PCDHA10: variants seen among roughly 807,000 people sequenced by gnomAD.
PCDHA10 encodes protocadherin alpha 10, also known as protocadherin alpha-10.
Under a neutral mutation model 61.2 loss-of-function variants are expected in PCDHA10, and 45 were observed. That is an observed-to-expected ratio of 0.74 (90% CI 0.58 to 0.94). The LOEUF (loss-of-function observed/expected upper bound fraction) is 0.94, where lower values mean the gene tolerates loss of function less well. Among genes scored for constraint, PCDHA10 ranks in the 40% least tolerant of loss-of-function variants. PCDHA10 has a pLI of 0.00. For missense variants in PCDHA10, 1,278 were observed against 1,236.2 expected (o/e 1.03, Z -0.51); for synonymous variants, 602 against 548.8 (o/e 1.10, Z -1.35).
At chr5:141,005,303 A>T (rs2098205194) in intron 3 of PCDHA10, among the ~76,000 whole-genome samples, 2 of 152,212 alleles carry the variant, frequency 1.3e-5, no homozygotes, top group Non-Finnish European at 2.9e-5. Context: ...TGCCTTTGTG[A>T]ATCTTACAGT....
intron 1 of PCDHA10, chr5:140,884,142 G>A (rs782033390): frequency 5.6e-6 from 9 of 1,613,298 alleles, no homozygotes; most frequent in African/African-American, 1.3e-5. Flanking sequence ...TTCCGCGTGG[G>A]GCTGTACACT....
intron 1 of PCDHA10, among the ~76,000 whole-genome samples, chr5:140,903,704 A>G (rs2070513598): frequency 6.6e-6 from 1 of 152,234 alleles, no homozygotes; most frequent in Admixed American, 6.5e-5. Context: ...AAATAGTAAT[A>G]AAATATACAA....
In PCDHA10 at chr5:140,968,153, A is replaced by G; in HGVS notation, c.2389-10796A>G. 2 of 1,614,142 alleles carry G rather than the reference A, an allele frequency of 1.2e-6. No individual in the cohort carries two copies. The highest frequency in any genetic ancestry group is 8.5e-7 in the Non-Finnish European group (1 of 1,180,046). On this transcript the variant is annotated intron_variant, in intron 1 of 3. Coordinates refer to ENST00000307360, the MANE Select transcript of PCDHA10 (RefSeq NM_018901.4). ...ACTGAAGGTTGAGATCTCTGACATC[A>G]ATGACAATCCACCAAGCTTCCTGGA...
chr5:140,923,219 CGTTTGAGCCCAGAA>C (rs6149268), intron 1 of PCDHA10, among the ~76,000 whole-genome samples: 47,935 of 151,966 alleles, frequency 0.32, 7,912 homozygotes, highest in East Asian at 0.52. Context: ...GTGAAAGGAT[CGTTTGAGCCCAGAA>C]GTTTGAGACC....
At position 140,858,811 on chromosome 5, in the gene PCDHA10, T is replaced by A. The variant is rs2045603382; in HGVS notation, c.2388+375T>A. The A allele has an allele frequency of 1.4e-5, 5 of 354,112 alleles. No homozygotes were observed. The South Asian group carries it at 1.7e-4, about 12-fold the overall frequency. The allele number at this position is 354,112 out of a possible 1,614,324, so 21.9% of individuals were successfully genotyped here. A position where few individuals can be genotyped will look rare whatever the true frequency, so the allele number is the denominator to read the frequency against. ...TTTCATTTCCAATCTAAATTTTGAT[T>A]TGATTGTATTTGCATTACCAAAAAA... On this transcript the variant is annotated intron_variant, in intron 1 of 3. Transcript: ENST00000307360.
intron 1 of PCDHA10, among the ~76,000 whole-genome samples, chr5:140,894,577 T>A (rs1409232453): frequency 4.6e-5 from 7 of 152,030 alleles, no homozygotes; most frequent in African/African-American, 9.6e-5. Flanking sequence ...TCCTTTTTTT[T>A]AATATTTTAC....
intron 1 of PCDHA10, chr5:140,862,713 C>CG (rs2153223672): frequency 1.8e-6 from 1 of 561,970 alleles, no homozygotes; most frequent in East Asian, 4.9e-5. Flanking sequence ...AGCGGGTGGG[C>CG]GAGTGCGCGC....
intron 1 of PCDHA10, among the ~76,000 whole-genome samples, chr5:140,905,354 A>T (rs926429746): frequency 3.3e-5 from 5 of 152,030 alleles, no homozygotes; most frequent in Non-Finnish European, 5.9e-5. Context: ...TAAGTATTTG[A>T]CTATATTTCT....
At chr5:140,923,304 G>T (rs933906504) in intron 1 of PCDHA10, among the ~76,000 whole-genome samples, 2 of 152,172 alleles carry the variant, frequency 1.3e-5, no homozygotes, top group East Asian at 3.9e-4. Context: ...TGGGCGTGGG[G>T]GCGCTTGGCC....
rs572664608 is a variant in PCDHA10 at position 140,918,936 on chromosome 5, T to C, written c.2389-60013T>C. 6.0e-4 allele frequency among the ~76,000 whole-genome samples: 92 copies of C among 152,342 alleles called. 2 individuals are homozygous for C. Among genetic ancestry groups the C allele is most frequent in the Admixed American group, 5.2e-3 (80 of 15,310 alleles). On this transcript the variant is annotated intron_variant, in intron 1 of 3. Transcript: ENST00000307360. ...AACTACACAGCATATGGCATTTTGT[T>C]ATAATATCCTGAACAGACTAAGACA...
chr5:140,890,775 CATAAG>C (rs1358140207), intron 1 of PCDHA10, among the ~76,000 whole-genome samples: 5 of 152,040 alleles, frequency 3.3e-5, no homozygotes, highest in Admixed American at 6.6e-5. Context: ...TTTAAAACCC[CATAAG>C]ATATTAGTAT....
chr5:140,863,354 T>C, intron 1 of PCDHA10: 1 of 1,283,244 alleles, frequency 7.8e-7, no homozygotes, highest in Non-Finnish European at 1.1e-6. Flanking sequence ...TACACGACGC[T>C]GCGGTGCTTG....
intron 3 of PCDHA10, among the ~76,000 whole-genome samples, chr5:140,999,046 T>C (rs2097844534): frequency 6.6e-6 from 1 of 152,228 alleles, no homozygotes; most frequent in South Asian, 2.1e-4. Flanking sequence ...CAGTGTGCTT[T>C]CCACCATGCC....
intron 1 of PCDHA10, chr5:140,863,111 C>T (rs782266273): frequency 1.2e-5 from 7 of 585,488 alleles, no homozygotes; most frequent in Non-Finnish European, 1.7e-5. Context: ...CTGGACGAGG[C>T]GAAAGCTACG....
At chr5:140,882,072 T>C in intron 1 of PCDHA10, 2 of 861,580 alleles carry the variant, frequency 2.3e-6, no homozygotes, top group South Asian at 1.9e-5. Context: ...TTCATGCGCA[T>C]GGTGTCGCTC....
chr5:141,000,737 G>A (rs1449947824), intron 3 of PCDHA10, among the ~76,000 whole-genome samples: 21 of 149,738 alleles, frequency 1.4e-4, no homozygotes, highest in African/African-American at 5.0e-4. Context: ...CCCTATCTCT[G>A]TATATTAAAA....
At chr5:140,968,228 C>T in intron 1 of PCDHA10, 1 of 1,614,010 alleles carries the variant, frequency 6.2e-7, no homozygotes, top group East Asian at 2.2e-5. Flanking sequence ...AGGTGTGTTG[C>T]TCTGTACTGT....
intron 3 of PCDHA10, among the ~76,000 whole-genome samples, chr5:141,008,578 C>T (rs1185736158): frequency 6.6e-6 from 1 of 152,202 alleles, no homozygotes; most frequent in Non-Finnish European, 1.5e-5. Context: ...TTTCCCAAGA[C>T]TCAGGGCAGA....
chr5:140,895,515 G>A (rs2065042106), intron 1 of PCDHA10, among the ~76,000 whole-genome samples: 1 of 151,948 alleles, frequency 6.6e-6, no homozygotes, highest in Non-Finnish European at 1.5e-5. Flanking sequence ...ATTTTTAATT[G>A]GTTTATTCGT....
Sources: gnomAD v4.1 joint callset for allele counts (sites outside exome capture counted in the v4.1 genomes callset) on GRCh38, gnomAD v4.1.1 for gene constraint, MANE v1.5 for transcripts, NCBI Gene and HGNC (gene_info 2026-07-23, HGNC 2026-07-21) for gene names.